RNF149: variants seen among roughly 807,000 people sequenced by gnomAD.
RNF149 encodes the protein E3 ubiquitin-protein ligase RNF149.
RNF149 carries 21 observed loss-of-function variants against 39.0 expected under a neutral mutation model. That is an observed-to-expected ratio of 0.54 (90% CI 0.38 to 0.77). The LOEUF is 0.77. Ranked by LOEUF, RNF149 falls within the 30% of genes least tolerant of loss-of-function variation. The pLI, the probability that RNF149 is intolerant of heterozygous loss-of-function variation, is 0.00. For missense variants in RNF149, 493 were observed against 534.9 expected (o/e 0.92, Z 0.77); for synonymous variants, 209 against 213.6 (o/e 0.98, Z 0.19).
At chr2:101,301,139 T>A (rs767734748) in intron 1 of RNF149, among the ~76,000 whole-genome samples, 1 of 152,118 alleles carries the variant, frequency 6.6e-6, no homozygotes, top group Non-Finnish European at 1.5e-5. Context: ...GTTACCAATA[T>A]TGCTTGACTA....
At chr2:101,303,537 C>T (rs370410330) in intron 1 of RNF149, among the ~76,000 whole-genome samples, 1 of 152,184 alleles carries the variant, frequency 6.6e-6, no homozygotes, top group East Asian at 1.9e-4. Context: ...TTAACCTGCT[C>T]TGCAAATACA....
At chr2:101,291,179 T>C (rs1682994431) in intron 3 of RNF149, among the ~76,000 whole-genome samples, 1 of 151,830 alleles carries the variant, frequency 6.6e-6, no homozygotes, top group African/African-American at 2.4e-5. Flanking sequence ...TGAGACGGAG[T>C]CTCGCTCTGT....
At chr2:101,302,081 C>A (rs987568868) in intron 1 of RNF149, among the ~76,000 whole-genome samples, 3 of 152,310 alleles carry the variant, frequency 2.0e-5, no homozygotes, top group Non-Finnish European at 4.4e-5. Flanking sequence ...TAAGGTTCAG[C>A]GTAAGCTCAA....
chr2:101,307,206 G>C (rs1046990951), intron 1 of RNF149, among the ~76,000 whole-genome samples: 2 of 152,134 alleles, frequency 1.3e-5, no homozygotes, highest in African/African-American at 4.8e-5. Flanking sequence ...TTTTTTCCTT[G>C]AGGTCTTGCT....
Position 101,308,492 on chromosome 2 carries a change from G to T in RNF149, c.97C>A (p.Arg33=), listed in dbSNP as rs1407680464. The T allele has an allele frequency of 6.2e-7, 1 of 1,610,292 alleles. No individual in the cohort carries two copies. Among genetic ancestry groups the T allele is most frequent in the Non-Finnish European group, 8.5e-7 (1 of 1,179,096 alleles). The part of the protein sequence containing the change: ...LALCVPGARG[R]ALEWFSAVVN... ...ACGGCCGAGAACCACTCGAGAGCCC[G>T]GCCCCGGGCCCCGGGCACGCACAGG... is the stretch of plus-strand genomic sequence containing the variant. Residue 33 remains arginine, a synonymous_variant, in exon 1 of 7, where the codon CGG becomes AGG. Transcript: ENST00000295317.
chr2:101,281,136 T>C (rs1682566532), intron 6 of RNF149, among the ~76,000 whole-genome samples: 1 of 152,230 alleles, frequency 6.6e-6, no homozygotes, highest in Non-Finnish European at 1.5e-5. Context: ...AAGGCATAAG[T>C]ATATATACAT....
At chr2:101,281,614 C>A (rs892945622) in intron 6 of RNF149, 6 of 498,444 alleles carry the variant, frequency 1.2e-5, no homozygotes, top group Non-Finnish European at 2.2e-5. Flanking sequence ...CACTCTCCTG[C>A]CTCAGCATTC....
chr2:101,288,895 A>T lies in RNF149; in HGVS notation c.863+78T>A, dbSNP rs1573235201. 4.2e-6 allele frequency: 3 copies of T among 720,980 alleles called. No homozygotes were observed. The East Asian group carries it at 7.9e-5, about 19-fold the overall frequency. 44.7% of individuals were successfully genotyped at this position (720,980 alleles called of 1,614,324 possible). ...AATTACAAGATCTTCATTATCATAA[A>T]AAACAAATAACTATTTTGTCAGACA... On this transcript the variant is annotated intron_variant, in intron 4 of 6. Transcript: ENST00000295317.
At chr2:101,273,053 T>C (rs762081441), downstream of RNF149, 10 of 1,356,184 alleles carry the variant, frequency 7.4e-6, no homozygotes, top group South Asian at 1.0e-4. Context: ...CCTCAGTAGC[T>C]GGAGGGAGCA....
rs982597717 is a variant in RNF149, at chr2:101,279,855, T to C, written c.1159+2004A>G. Among the ~76,000 whole-genome samples, 3 of 152,228 alleles carry C rather than the reference T, an allele frequency of 2.0e-5. No homozygotes were observed. The East Asian group carries it at 5.8e-4, about 29-fold the overall frequency. ...ATCTTACTGCTTTGGAAAAATATGC[T>C]TCCTCTTCTAGGATGACAAAATTCA... On this transcript the variant is annotated intron_variant, in intron 6 of 6. Transcript: ENST00000295317.
Position 101,284,422 on chromosome 2 carries a change from A to G in RNF149, c.960+1659T>C, listed in dbSNP as rs115537574. Among the ~76,000 whole-genome samples the G allele has an allele frequency of 2.7e-3, 413 of 152,262 alleles. 4 individuals carry two copies. The highest frequency in any genetic ancestry group is 8.4e-3 in the African/African-American group (349 of 41,536). On this transcript the variant is annotated intron_variant, in intron 5 of 6. Transcript: ENST00000295317. ...TGGTAAAACCCTATCTCTACAAAAA[A>G]TATAAAAAATTAGCTGGGTGTACTG...
chr2:101,304,836 T>G (rs1683594348), intron 1 of RNF149, among the ~76,000 whole-genome samples: 5 of 9,682 alleles, frequency 5.2e-4, no homozygotes, highest in Non-Finnish European at 4.5e-4. Context: ...ACTACTAGTA[T>G]TTTTTTTTTT....
At chr2:101,293,123 T>C (rs1320936606) in intron 3 of RNF149, among the ~76,000 whole-genome samples, 1 of 151,756 alleles carries the variant, frequency 6.6e-6, no homozygotes, top group Non-Finnish European at 1.5e-5. Context: ...GTCTCATTAG[T>C]ATTAATTCCA....
At chr2:101,299,809 T>A (rs1232822339) in intron 1 of RNF149, among the ~76,000 whole-genome samples, 1 of 152,204 alleles carries the variant, frequency 6.6e-6, no homozygotes, top group African/African-American at 2.4e-5. Flanking sequence ...ATTCTACAGC[T>A]GAGTGTTCAG....
chr2:101,300,924 A>C (rs576759772), intron 1 of RNF149, among the ~76,000 whole-genome samples: 4 of 152,164 alleles, frequency 2.6e-5, no homozygotes, highest in Non-Finnish European at 5.9e-5. Flanking sequence ...CTTGCCTCCG[A>C]TGCATCGCCG....
At chr2:101,301,595 G>A (rs1045409650) in intron 1 of RNF149, among the ~76,000 whole-genome samples, 4 of 152,052 alleles carry the variant, frequency 2.6e-5, no homozygotes, top group East Asian at 3.9e-4. Context: ...TATGCATCAC[G>A]ATGTCCCACC....
In RNF149 at chr2:101,282,016, A is replaced by T. The variant is rs1339956179; in HGVS notation, c.1002T>A (p.Ser334=). The T allele has an allele frequency of 1.9e-6, 3 of 1,613,898 alleles. No homozygotes were observed. Among genetic ancestry groups the T allele is most frequent in the African/African-American group, 2.7e-5 (2 of 74,896 alleles). The part of the protein sequence containing the change: ...GDVQEMPAPE[S]PPGRDPAANL... Reference sequence around the variant, plus strand: ...TTGCAGCTGGATCCCTTCCAGGAGGAGATTCTGGAGCAGGCATCTCCTGTA... The same window carrying T: ...TTGCAGCTGGATCCCTTCCAGGAGGTGATTCTGGAGCAGGCATCTCCTGTA... The change falls in exon 6 of 7, where the codon TCT becomes TCA. Residue 334 remains serine, a synonymous_variant. Coordinates refer to ENST00000295317, the MANE Select transcript of RNF149 (RefSeq NM_173647.4).
intron 1 of RNF149, chr2:101,307,716 G>T: frequency 1.9e-6 from 1 of 523,622 alleles, no homozygotes; most frequent in Non-Finnish European, 2.5e-6. Context: ...ACTTTATGTT[G>T]GTGAAGGGAC....
In RNF149 at chr2:101,276,945, A is replaced by C. The variant is rs1392067424; in HGVS notation, c.*293T>G. On this transcript the variant is annotated 3_prime_UTR_variant, in exon 7 of 7. Transcript: ENST00000295317. Reference sequence around the variant, plus strand: ...AACCATAGCAGCCAATTATTTAGAAACACCACCTGTCCTTTATATTAGAGT... The same window carrying C: ...AACCATAGCAGCCAATTATTTAGAACCACCACCTGTCCTTTATATTAGAGT... 6 of 1,100,330 alleles carry C rather than the reference A, an allele frequency of 5.5e-6. 1 individual carries two copies. The South Asian group carries it at 1.0e-4, about 19-fold the overall frequency. 68.2% of individuals were successfully genotyped at this position (1,100,330 alleles called of 1,614,324 possible). A position where few individuals can be genotyped will look rare whatever the true frequency, so the allele number is the denominator to read the frequency against.
Sources: allele counts gnomAD v4.1 joint callset (sites outside exome capture counted in the v4.1 genomes callset), GRCh38; gene constraint gnomAD v4.1.1; transcripts MANE v1.5; gene names NCBI Gene and HGNC (gene_info 2026-07-23, HGNC 2026-07-21).